ITPKA: variants seen among roughly 807,000 people sequenced by gnomAD.
The protein encoded by ITPKA is inositol-trisphosphate 3-kinase A.
ITPKA carries 16 observed loss-of-function variants against 40.7 expected under a neutral mutation model. The observed-to-expected ratio is 0.39, with a 90% confidence interval of 0.27 to 0.60. The LOEUF (loss-of-function observed/expected upper bound fraction) is 0.60. Among genes scored for constraint, ITPKA ranks in the 20% least tolerant of loss-of-function variants. The probability of loss-of-function intolerance (pLI) is 0.50; values close to 1 mark genes in which losing one functional copy is unlikely to be tolerated. For synonymous variants in ITPKA, 313 were observed against 289.9 expected (o/e 1.08, Z -0.81); for missense variants, 540 against 649.3 (o/e 0.83, Z 1.83).
intron 1 of ITPKA, among the ~76,000 whole-genome samples, chr15:41,499,153 A>G (rs1428936045): frequency 6.6e-6 from 1 of 152,206 alleles, no homozygotes; most frequent in Non-Finnish European, 1.5e-5. Flanking sequence ...GGTGAGTTTT[A>G]TAATAAAACT....
At chr15:41,499,171 A>T (rs760986227) in intron 1 of ITPKA, among the ~76,000 whole-genome samples, 35 of 152,152 alleles carry the variant, frequency 2.3e-4, no homozygotes, top group Non-Finnish European at 7.4e-5. Flanking sequence ...ACTTGGATTT[A>T]TTATGCAGCA....
At position 41,494,229 on chromosome 15, in the gene ITPKA, G is replaced by A. The variant is rs1460976511; in HGVS notation, c.302G>A (p.Arg101Gln). 3 of 1,538,564 alleles carry A rather than the reference G, an allele frequency of 1.9e-6. No individual in the cohort carries two copies. The highest frequency in any genetic ancestry group is 4.9e-5 in the East Asian group (2 of 40,756). Residue 101 changes from arginine to glutamine, a missense_variant, in exon 1 of 7, where the codon CGG becomes CAG. Coordinates refer to ENST00000260386, the MANE Select transcript of ITPKA (RefSeq NM_002220.3). This position sits in a 1 kb window ranked among gnomAD's most constrained non-coding sequence, Gnocchi z 7.8. ...CCGACCAGCCCTGGGCCGCCGGAGC[G>A]GGAGAGGGACTGCCTCCCGGCAGCG... ...VPPTSPGPPE[R>Q]ERDCLPAAGS...
At chr15:41,495,186 T>C (rs1469843866) in intron 1 of ITPKA, among the ~76,000 whole-genome samples, 2 of 152,254 alleles carry the variant, frequency 1.3e-5, no homozygotes, top group Non-Finnish European at 2.9e-5. Flanking sequence ...AAGTCATTCC[T>C]GACGCCCGCC....
chr15:41,496,533 A>T (rs2051073381), intron 1 of ITPKA, among the ~76,000 whole-genome samples: 1 of 152,152 alleles, frequency 6.6e-6, no homozygotes, highest in African/African-American at 2.4e-5. Context: ...TTGGAGGCCC[A>T]CCCGCAAGGT....
At position 41,502,044 on chromosome 15, in the gene ITPKA, T is replaced by C; in HGVS notation, c.851T>C (p.Leu284Pro). Reference protein sequence around the residue: ...ELTKARERPKLRKDMYKKMLA... With the variant: ...ELTKARERPKPRKDMYKKMLA... ...ACCAAGGCCCGTGAGCGGCCCAAGCTGCGGAAGGACATGTACAAGAAAATG... is the reference window on the plus strand; with the variant it reads ...ACCAAGGCCCGTGAGCGGCCCAAGCCGCGGAAGGACATGTACAAGAAAATG... The change falls in exon 4 of 7, where the codon CTG becomes CCG. Residue 284 changes from leucine (L) to proline (P), a missense_variant. Coordinates refer to ENST00000260386, the MANE Select transcript of ITPKA (RefSeq NM_002220.3). 6 of 1,613,318 alleles carry C rather than the reference T, an allele frequency of 3.7e-6. No individual in the cohort carries two copies. The highest frequency in any genetic ancestry group is 5.1e-6 in the Non-Finnish European group (6 of 1,179,930).
In ITPKA at chr15:41,493,991, G is replaced by C. The variant is rs1345287123; in HGVS notation, c.64G>C (p.Gly22Arg). Residue 22 changes from glycine to arginine, a missense_variant, in exon 1 of 7, where the codon GGG (glycine) becomes CGG (arginine). Physicochemically the swap from Gly to Arg is moderately radical, Grantham distance 125 (BLOSUM62 -2). Coordinates refer to ENST00000260386, the MANE Select transcript of ITPKA (RefSeq NM_002220.3). ...RPGGARPCSP[G>R]LERAPRRSVG... ...GGGGGGCGCGAGGCCCTGCAGCCCGGGGCTGGAGCGGGCCCCGCGCCGGAG... is the reference window on the plus strand; with the variant it reads ...GGGGGGCGCGAGGCCCTGCAGCCCGCGGCTGGAGCGGGCCCCGCGCCGGAG... 1.8e-6 allele frequency: 2 copies of C among 1,137,894 alleles called. No homozygotes were observed. Among genetic ancestry groups the C allele is most frequent in the Non-Finnish European group, 2.2e-6 (2 of 928,062 alleles). 70.5% of individuals were successfully genotyped at this position (1,137,894 alleles called of 1,614,324 possible).
Position 41,494,409 on chromosome 15 carries a change from TGGGTCA to T in ITPKA, c.485_489+1del. ...GTGCAGCTGGAAGCGGGCGAGGACGTGGGTCAGGTACGGGCCGCGGGGGCGGGGCCA... is the reference window on the plus strand; with the variant it reads ...GTGCAGCTGGAAGCGGGCGAGGACGTGGTACGGGCCGCGGGGGCGGGGCCA... On this transcript the variant is annotated inframe_deletion and splice_region_variant, in exon 1 of 7. Coordinates refer to ENST00000260386, the MANE Select transcript of ITPKA (RefSeq NM_002220.3). This position sits in a 1 kb window ranked among gnomAD's most constrained non-coding sequence, Gnocchi z 7.8. 6.8e-7 allele frequency: 1 copy of T among 1,469,826 alleles called. No individual in the cohort carries two copies. Among genetic ancestry groups the T allele is most frequent in the Non-Finnish European group, 9.0e-7 (1 of 1,111,688 alleles). 91.0% of individuals were successfully genotyped at this position (1,469,826 alleles called of 1,614,324 possible). A position where few individuals can be genotyped will look rare whatever the true frequency, so the allele number is the denominator to read the frequency against.
intron 1 of ITPKA, among the ~76,000 whole-genome samples, chr15:41,498,320 A>AG (rs999845258): frequency 6.6e-6 from 1 of 151,840 alleles, no homozygotes; most frequent in African/African-American, 2.4e-5. Flanking sequence ...AAAAAAAAAA[A>AG]AAAAAAAGTA....
Position 41,502,420 on chromosome 15 carries a change from A to T in ITPKA, c.1027A>T (p.Ser343Cys). The T allele has an allele frequency of 2.5e-6, 4 of 1,603,198 alleles. No homozygotes were observed. The highest frequency in any genetic ancestry group is 3.4e-6 in the Non-Finnish European group (4 of 1,171,050). ...CATCCAGAAAGCGGACGGCTCCTGC[A>T]GCACCGACTTCAAGACTACGCGAAG... is the stretch of plus-strand genomic sequence containing the variant. ...EGIKKADGSCSTDFKTTRSRE... is the reference protein window; with the variant it reads ...EGIKKADGSCCTDFKTTRSRE... The change falls in exon 5 of 7, where the codon AGC becomes TGC. Residue 343 changes from serine to cysteine, a missense_variant. Transcript: ENST00000260386.
chr15:41,502,323 T>G (rs538568402), intron 4 of ITPKA, 79 bp from the exon 5 acceptor site: 2 of 1,265,720 alleles, frequency 1.6e-6, no homozygotes, highest in South Asian at 2.4e-5. Context: ...CCCCTGCAAC[T>G]GGGAGGTACC....
intron 1 of ITPKA, among the ~76,000 whole-genome samples, chr15:41,496,571 G>A (rs1246784148): frequency 6.6e-6 from 1 of 152,196 alleles, no homozygotes; most frequent in Admixed American, 6.5e-5. Context: ...GGCCTTGCCT[G>A]CCTCCTCAAA....
At position 41,496,312 on chromosome 15, in the gene ITPKA, C is replaced by T. The variant is rs1030441987; in HGVS notation, c.489+1896C>T. 2.6e-5 allele frequency among the ~76,000 whole-genome samples: 4 copies of T among 152,314 alleles called. No individual in the cohort carries two copies. The East Asian group carries it at 7.7e-4, about 29-fold the overall frequency. On this transcript the variant is annotated intron_variant, in intron 1 of 6. Coordinates refer to ENST00000260386, the MANE Select transcript of ITPKA (RefSeq NM_002220.3). ...CCGGACTCTAGGACTCCCGGCTTAC[C>T]AGCCCCTTACGCGCGGCCCAGGCAG...
At chr15:41,501,338 A>G in intron 1 of ITPKA, 125 bp from the exon 2 acceptor site, 1 of 1,481,196 alleles carries the variant, frequency 6.8e-7, no homozygotes, top group East Asian at 2.5e-5. Context: ...TGAATGAATT[A>G]ATGACTCATC....
In ITPKA at chr15:41,501,810, C is replaced by T; in HGVS notation, c.762C>T (p.Gly254=). The T allele has an allele frequency of 1.9e-6, 3 of 1,613,452 alleles. No individual in the cohort carries two copies. Among genetic ancestry groups the T allele is most frequent in the Non-Finnish European group, 2.5e-6 (3 of 1,179,886 alleles). The change falls in exon 3 of 7, where the codon GGC becomes GGT. Residue 254 remains glycine (G), a synonymous_variant. Coordinates refer to ENST00000260386, the MANE Select transcript of ITPKA (RefSeq NM_002220.3). ...SYLQLQDLLD[G]FDGPCVLDCK... Reference sequence around the variant, plus strand: ...TGCAGCTGCAGGACCTGCTCGATGGCTTCGACGGACCTTGTGTGCTCGACT... The same window carrying T: ...TGCAGCTGCAGGACCTGCTCGATGGTTTCGACGGACCTTGTGTGCTCGACT...
Position 41,503,241 on chromosome 15 carries a change from C to A in ITPKA, c.*75C>A. The stretch of plus-strand genomic sequence containing the variant: ...GCTTTGTCCCCACTGTGCATGCCGG[C>A]TTGAGACTGGAGCCCCGCGGTGCAG... On this transcript the variant is annotated 3_prime_UTR_variant, in exon 7 of 7. Transcript: ENST00000260386. 8.7e-7 allele frequency: 1 copy of A among 1,146,108 alleles called. No homozygotes were observed. Among genetic ancestry groups the A allele is most frequent in the South Asian group, 1.5e-5 (1 of 64,750 alleles). The allele number at this position is 1,146,108 out of a possible 1,614,324, so 71.0% of individuals were successfully genotyped here.
chr15:41,502,767 C>T (rs566667634), intron 5 of ITPKA, 21 bp from the exon 6 acceptor site: 87 of 1,588,992 alleles, frequency 5.5e-5, no homozygotes, highest in Admixed American at 2.3e-4. Flanking sequence ...TTGCCCTCCT[C>T]TCCCACCCCA....
In ITPKA at chr15:41,494,708, C is replaced by T. The variant is rs1206075947; in HGVS notation, c.489+292C>T. Among the ~76,000 whole-genome samples, 2 of 152,224 alleles carry T rather than the reference C, an allele frequency of 1.3e-5. No homozygotes were observed. The highest frequency in any genetic ancestry group is 4.8e-5 in the African/African-American group (2 of 41,462). On this transcript the variant is annotated intron_variant, in intron 1 of 6. Transcript: ENST00000260386. The surrounding 1 kb of genome is among the most constrained non-coding windows in gnomAD (Gnocchi z 7.8). ...ACTGGGCGAAGCGGGGGTAGCGGAC[C>T]TTGTTGGCTGTGGGTTAGGACAGGA...
rs2051053813 is a variant in ITPKA at position 41,494,253 on chromosome 15, C to T, written c.326C>T (p.Ala109Val). 4 of 1,545,622 alleles carry T rather than the reference C, an allele frequency of 2.6e-6. No homozygotes were observed. Among genetic ancestry groups the T allele is most frequent in the African/African-American group, 1.4e-5 (1 of 72,650 alleles). ...CGGGAGAGGGACTGCCTCCCGGCAGCGGGCTCTTCGCACCTGCAGCAGCCG... is the reference window on the plus strand; with the variant it reads ...CGGGAGAGGGACTGCCTCCCGGCAGTGGGCTCTTCGCACCTGCAGCAGCCG... ...PERERDCLPA[A>V]GSSHLQQPRR... The change falls in exon 1 of 7, where the codon GCG becomes GTG. Residue 109 changes from alanine (A) to valine (V), a missense_variant. Ala to Val is a moderately conservative substitution (Grantham distance 64). Transcript: ENST00000260386. This position sits in a 1 kb window ranked among gnomAD's most constrained non-coding sequence, Gnocchi z 7.8.
At chr15:41,499,305 T>C (rs912780718) in intron 1 of ITPKA, among the ~76,000 whole-genome samples, 4 of 152,202 alleles carry the variant, frequency 2.6e-5, no homozygotes, top group African/African-American at 9.7e-5. Flanking sequence ...GATCACACCC[T>C]AGTGTGCCAT....
Sources: allele counts gnomAD v4.1 joint callset (sites outside exome capture counted in the v4.1 genomes callset), GRCh38; gene constraint gnomAD v4.1.1; non-coding constraint Gnocchi (gnomAD v3.1); transcripts MANE v1.5; gene names NCBI Gene and HGNC (gene_info 2026-07-23, HGNC 2026-07-21).